Variants in CDH12 observed in about 807,000 individuals in gnomAD.
CDH12 encodes cadherin 12.
CDH12 carries 41 observed loss-of-function variants against 74.1 expected under a neutral mutation model. That is an observed-to-expected ratio of 0.55 (90% CI 0.43 to 0.72). The LOEUF (loss-of-function observed/expected upper bound fraction) is 0.72, where lower values mean the gene tolerates loss of function less well. Among genes scored for constraint, CDH12 ranks in the 30% least tolerant of loss-of-function variants. The pLI is 0.00. For synonymous variants in CDH12, 399 were observed against 355.0 expected, an observed-to-expected ratio of 1.12 and a Z score of -1.39; for missense variants, 945 against 977.2, an observed-to-expected ratio of 0.97 and a Z score of 0.44.
chr5:22,788,330 G>A (rs1005539149), intron 1 of CDH12, among the ~76,000 whole-genome samples: 1 of 151,572 alleles, frequency 6.6e-6, no homozygotes, highest in Non-Finnish European at 1.5e-5. Context: ...TTTTACTTTT[G>A]TTACACAAAG....
At chr5:22,050,653 C>G (rs1460517668) in intron 5 of CDH12, among the ~76,000 whole-genome samples, 1 of 152,102 alleles carries the variant, frequency 6.6e-6, no homozygotes, top group African/African-American at 2.4e-5. Flanking sequence ...CTGCACACAC[C>G]TGGAGTTAAT....
chr5:22,071,827 G>A (rs1245058378), intron 5 of CDH12, among the ~76,000 whole-genome samples: 1 of 151,916 alleles, frequency 6.6e-6, no homozygotes, highest in Non-Finnish European at 1.5e-5. Flanking sequence ...AATCTACAAG[G>A]GATACTAATA....
At chr5:22,483,765 A>ATATATATATATATATATCTATATATATAT (rs1365052831) in intron 2 of CDH12, among the ~76,000 whole-genome samples, 1 of 22,142 alleles carries the variant, frequency 4.5e-5, no homozygotes, top group Non-Finnish European at 9.1e-5. Context: ...TATATATATA[A>ATATATATATATATATATCTATATATATAT]ATTTAATTAA....
intron 3 of CDH12, among the ~76,000 whole-genome samples, chr5:22,243,930 T>C (rs1580440829): frequency 6.6e-6 from 1 of 152,336 alleles, no homozygotes; most frequent in East Asian, 1.9e-4. Flanking sequence ...CCTATTATTA[T>C]ATTTCAAAAA....
chr5:22,624,591 A>T (rs971003788), intron 1 of CDH12, among the ~76,000 whole-genome samples: 2 of 152,224 alleles, frequency 1.3e-5, no homozygotes, highest in African/African-American at 2.4e-5. Context: ...AGAGAAATGC[A>T]AATCAAAACC....
At chr5:22,803,970 T>C (rs1265125594) in intron 1 of CDH12, among the ~76,000 whole-genome samples, 3 of 151,976 alleles carry the variant, frequency 2.0e-5, no homozygotes, top group Non-Finnish European at 4.4e-5. Context: ...TATGAGTCTA[T>C]GTTTTTACAA....
chr5:21,947,300 A>G (rs1755624096), intron 6 of CDH12, among the ~76,000 whole-genome samples: 1 of 152,116 alleles, frequency 6.6e-6, no homozygotes. Context: ...TATCGGGCAG[A>G]GGTTGGAAGT....
At chr5:22,464,726 G>T (rs370622461) in intron 2 of CDH12, among the ~76,000 whole-genome samples, 2 of 152,060 alleles carry the variant, frequency 1.3e-5, no homozygotes, top group Admixed American at 6.6e-5. Context: ...TTTGTGCCAG[G>T]CACGGTGGCT....
At chr5:22,645,291 G>T (rs564307519) in intron 1 of CDH12, among the ~76,000 whole-genome samples, 44 of 152,166 alleles carry the variant, frequency 2.9e-4, no homozygotes, top group African/African-American at 9.4e-4. Flanking sequence ...GAGTTTAGAA[G>T]AAATTAATTC....
chr5:22,674,298 C>T (rs1580874577), intron 1 of CDH12, among the ~76,000 whole-genome samples: 2 of 152,048 alleles, frequency 1.3e-5, no homozygotes, highest in Admixed American at 1.3e-4. Context: ...GTGAATAAGT[C>T]TTGGGAGATC....
intron 3 of CDH12, among the ~76,000 whole-genome samples, chr5:22,244,057 C>T (rs1487974137): frequency 3.3e-5 from 5 of 151,878 alleles, no homozygotes; most frequent in African/African-American, 9.7e-5. Context: ...TATTCACTTT[C>T]CAAGGATCTA....
chr5:22,089,593 A>G (rs1237944868), intron 4 of CDH12, among the ~76,000 whole-genome samples: 1 of 152,194 alleles, frequency 6.6e-6, no homozygotes, highest in Non-Finnish European at 1.5e-5. Flanking sequence ...AATAACAGAA[A>G]TGAAAACATT....
rs563714764 is a variant in CDH12 at position 22,044,798 on chromosome 5, A to G, written c.231+33648T>C. Among the ~76,000 whole-genome samples the G allele has an allele frequency of 4.6e-5, 7 of 152,346 alleles. No homozygotes were observed. In the East Asian group the frequency reaches 1.4e-3, roughly 29 times the overall value. On this transcript the variant is annotated intron_variant, in intron 5 of 14. Transcript: ENST00000382254. The stretch of plus-strand genomic sequence containing the variant: ...ACTAGACTTCTATCTCTCACCATAT[A>G]CAGAAACTAATAAAAATCAATGTAA...
chr5:22,541,337 A>G (rs761798720), intron 1 of CDH12, among the ~76,000 whole-genome samples: 11 of 152,224 alleles, frequency 7.2e-5, no homozygotes, highest in Non-Finnish European at 1.3e-4. Context: ...ATGAAGTGTG[A>G]GATGAAGTGC....
At chr5:22,485,747 T>C (rs1460032046) in intron 2 of CDH12, among the ~76,000 whole-genome samples, 1 of 152,194 alleles carries the variant, frequency 6.6e-6, no homozygotes, top group Non-Finnish European at 1.5e-5. Context: ...AATTGTTTTA[T>C]GATTTTCCAA....
intron 1 of CDH12, among the ~76,000 whole-genome samples, chr5:22,843,051 T>A (rs2126526251): frequency 6.6e-6 from 1 of 152,242 alleles, no homozygotes; most frequent in Non-Finnish European, 1.5e-5. Context: ...TTGAAACTTT[T>A]CTTGGCATTA....
At chr5:22,814,037 A>G (rs143132752) in intron 1 of CDH12, among the ~76,000 whole-genome samples, 88 of 152,264 alleles carry the variant, frequency 5.8e-4, no homozygotes, top group Middle Eastern at 3.4e-3. Context: ...TTCCTAAATT[A>G]TATGTTTGGC....
At chr5:22,309,038 T>G (rs888202126) in intron 3 of CDH12, among the ~76,000 whole-genome samples, 7 of 152,042 alleles carry the variant, frequency 4.6e-5, no homozygotes, top group Admixed American at 1.3e-4. Flanking sequence ...CGCTCAATTA[T>G]GCAACAAGAC....
chr5:22,625,093 A>G (rs1420291856), intron 1 of CDH12, among the ~76,000 whole-genome samples: 1 of 152,180 alleles, frequency 6.6e-6, no homozygotes, highest in Non-Finnish European at 1.5e-5. Flanking sequence ...TCTCACTCAC[A>G]GGTGGGAAAT....
Sources: gnomAD v4.1 joint callset for allele counts (sites outside exome capture counted in the v4.1 genomes callset) on GRCh38, gnomAD v4.1.1 for gene constraint, MANE v1.5 for transcripts, NCBI Gene and HGNC (gene_info 2026-07-23, HGNC 2026-07-21) for gene names.